ERP44: variants seen among roughly 807,000 people sequenced by gnomAD.
ERP44 encodes endoplasmic reticulum resident protein 44.
Under a neutral mutation model 53.4 loss-of-function variants are expected in ERP44, and 25 were observed. The observed-to-expected ratio is 0.47, with a 90% CI of 0.34 to 0.65. ERP44 has a LOEUF of 0.65. ERP44 is among the 30% of genes least tolerant of loss of function. The probability of loss-of-function intolerance (pLI) is 0.01; values close to 1 mark genes in which losing one functional copy is unlikely to be tolerated. For synonymous variants in ERP44, 145 were observed against 161.2 expected (o/e 0.90, Z 0.76); for missense variants, 338 against 493.2 (o/e 0.69, Z 2.98).
intron 2 of ERP44, among the ~76,000 whole-genome samples, chr9:100,058,846 G>A (rs889852020): frequency 2.0e-5 from 3 of 152,194 alleles, no homozygotes; most frequent in Non-Finnish European, 2.9e-5. Flanking sequence ...AATGACATGT[G>A]AGTTTCAATT....
intron 1 of ERP44, among the ~76,000 whole-genome samples, chr9:100,064,480 T>G (rs954703872): frequency 6.6e-6 from 1 of 152,234 alleles, no homozygotes; most frequent in African/African-American, 2.4e-5. Context: ...AATTTGGTTT[T>G]AATTATATAA....
chr9:100,089,915 A>G (rs957572612), intron 1 of ERP44, among the ~76,000 whole-genome samples: 7 of 152,200 alleles, frequency 4.6e-5, no homozygotes, highest in Non-Finnish European at 1.0e-4. Flanking sequence ...CCTCCTGTGG[A>G]TAAGAGGGGA....
rs186073468 is a variant in ERP44, at chr9:100,043,208, G to C, written c.286+9209C>G. ...TAGGAGGTGGAGCTTGCAGTGAGCC[G>C]AGATAGCGCCACTGCACTCCAGCCT... is the stretch of plus-strand genomic sequence containing the variant. On this transcript the variant is annotated intron_variant, in intron 4 of 11. Coordinates refer to ENST00000262455, the MANE Select transcript of ERP44 (RefSeq NM_015051.3). Among the ~76,000 whole-genome samples the C allele has an allele frequency of 1.0e-3, 122 of 121,172 alleles. No homozygotes were observed. In the East Asian group the frequency reaches 0.032, roughly 32 times the overall value. 79.5% of individuals were successfully genotyped at this position (121,172 alleles called of 152,430 possible).
chr9:100,081,555 A>T (rs1394877111), intron 1 of ERP44, among the ~76,000 whole-genome samples: 1 of 152,084 alleles, frequency 6.6e-6, no homozygotes, highest in African/African-American at 2.4e-5. Context: ...AATAAAAATG[A>T]CCTAAGTGAG....
At chr9:100,023,080 T>A (rs745349151) in intron 4 of ERP44, among the ~76,000 whole-genome samples, 1 of 152,202 alleles carries the variant, frequency 6.6e-6, no homozygotes, top group African/African-American at 2.4e-5. Flanking sequence ...ATAATTAACA[T>A]AGACAATAAT....
At chr9:100,066,922 TG>T in intron 1 of ERP44, among the ~76,000 whole-genome samples, 1 of 152,272 alleles carries the variant, frequency 6.6e-6, no homozygotes, top group African/African-American at 2.4e-5. Context: ...AGCACTATAA[TG>T]AACTAGAAGT....
intron 10 of ERP44, among the ~76,000 whole-genome samples, chr9:99,993,628 A>G (rs1830278722): frequency 6.6e-6 from 1 of 152,228 alleles, no homozygotes; most frequent in South Asian, 2.1e-4. Context: ...TCAAACACCA[A>G]AAGCAATGGC....
chr9:100,057,724 G>C, intron 3 of ERP44, 96 bp downstream of exon 3: 1 of 880,346 alleles, frequency 1.1e-6, no homozygotes. Flanking sequence ...ATACTGTCTT[G>C]AAATAGAAAA....
intron 1 of ERP44, among the ~76,000 whole-genome samples, chr9:100,093,042 T>C (rs1456190704): frequency 6.6e-6 from 1 of 152,232 alleles, no homozygotes; most frequent in East Asian, 1.9e-4. Flanking sequence ...AACATCATTG[T>C]ATGCATACCT....
intron 3 of ERP44, among the ~76,000 whole-genome samples, chr9:100,055,362 G>T (rs1404627748): frequency 6.6e-6 from 1 of 151,926 alleles, no homozygotes; most frequent in Non-Finnish European, 1.5e-5. Flanking sequence ...CCTGATGTGT[G>T]TTTTTTTTGT....
At chr9:100,031,202 T>C (rs1268927663) in intron 4 of ERP44, among the ~76,000 whole-genome samples, 1 of 149,402 alleles carries the variant, frequency 6.7e-6, no homozygotes, top group Non-Finnish European at 1.5e-5. Context: ...AAAAAAAAAA[T>C]GCTGAAGTTT....
intron 7 of ERP44, 64 bp from the exon 8 acceptor site, chr9:100,016,502 T>A (rs1184491383): frequency 4.7e-6 from 7 of 1,477,594 alleles, no homozygotes; most frequent in Non-Finnish European, 6.2e-6. Flanking sequence ...ATTCTTATTT[T>A]TTTTCTTTAT....
At chr9:100,053,412 G>A (rs1012308287) in intron 3 of ERP44, among the ~76,000 whole-genome samples, 1 of 152,086 alleles carries the variant, frequency 6.6e-6, no homozygotes, top group African/African-American at 2.4e-5. Flanking sequence ...CACAAATACA[G>A]TCATGTGGTG....
intron 4 of ERP44, among the ~76,000 whole-genome samples, chr9:100,028,337 CTGAT>C (rs1054403985): frequency 1.9e-4 from 29 of 152,274 alleles, no homozygotes; most frequent in African/African-American, 6.5e-4. Context: ...CAGGGGCTGA[CTGAT>C]GGGACTTTCT....
intron 10 of ERP44, chr9:99,998,752 G>A (rs1683886635): frequency 8.0e-6 from 6 of 751,980 alleles, no homozygotes; most frequent in Admixed American, 2.3e-5. Flanking sequence ...TCCTCTTCCC[G>A]CAAACGTTTC....
At chr9:99,994,318 A>C (rs1830287068) in intron 10 of ERP44, among the ~76,000 whole-genome samples, 1 of 152,244 alleles carries the variant, frequency 6.6e-6, no homozygotes, top group African/African-American at 2.4e-5. Flanking sequence ...AATACTATGC[A>C]GCCACAAAAA....
At chr9:100,014,076 C>A (rs1170509490) in intron 8 of ERP44, among the ~76,000 whole-genome samples, 2 of 152,118 alleles carry the variant, frequency 1.3e-5, no homozygotes, top group Non-Finnish European at 2.9e-5. Context: ...ACAGGAAAAG[C>A]TTCCTATAGT....
intron 1 of ERP44, among the ~76,000 whole-genome samples, chr9:100,069,977 T>C (rs1315982751): frequency 2.0e-5 from 3 of 152,226 alleles, no homozygotes; most frequent in Non-Finnish European, 2.9e-5. Context: ...AAAGAGTATA[T>C]TTTTGTTATA....
intron 10 of ERP44, among the ~76,000 whole-genome samples, chr9:100,004,623 G>A (rs1220783907): frequency 6.6e-6 from 1 of 152,184 alleles, no homozygotes; most frequent in Non-Finnish European, 1.5e-5. Context: ...CCCACATGAA[G>A]GGTATCTCTC....
Sources: allele counts gnomAD v4.1 joint callset (sites outside exome capture counted in the v4.1 genomes callset), GRCh38; gene constraint gnomAD v4.1.1; transcripts MANE v1.5; gene names NCBI Gene and HGNC (gene_info 2026-07-23, HGNC 2026-07-21).